The following SYN3 variants were observed in gnomAD, a reference collection of about 807,000 sequenced individuals.
SYN3 encodes synapsin-3.
A neutral mutation model predicts 65.8 loss-of-function variants in SYN3; 35 were observed. The observed-to-expected ratio is 0.53, with a 90% CI of 0.41 to 0.70. SYN3 has a LOEUF of 0.70. Ranked by LOEUF, SYN3 falls within the 30% of genes least tolerant of loss-of-function variation. The probability of loss-of-function intolerance (pLI) is 0.00; values close to 1 mark genes in which losing one functional copy is unlikely to be tolerated. For missense variants in SYN3, 680 were observed against 749.0 expected, an observed-to-expected ratio of 0.91 and a Z score of 1.08; for synonymous variants, 270 against 292.9, an observed-to-expected ratio of 0.92 and a Z score of 0.80.
chr22:32,899,162 A>T (rs2049688499), intron 4 of SYN3, among the ~76,000 whole-genome samples: 1 of 152,142 alleles, frequency 6.6e-6, no homozygotes, highest in Non-Finnish European at 1.5e-5. Context: ...GATTAGGAAG[A>T]TTAACCAAGG....
At chr22:32,913,201 C>T (rs1227605596) in intron 4 of SYN3, among the ~76,000 whole-genome samples, 1 of 151,306 alleles carries the variant, frequency 6.6e-6, no homozygotes, top group African/African-American at 2.4e-5. Flanking sequence ...CGCTCTGTCG[C>T]CCAGGCTGGA....
chr22:32,773,485 G>A (rs980672192), intron 6 of SYN3, among the ~76,000 whole-genome samples: 1 of 151,230 alleles, frequency 6.6e-6, no homozygotes, highest in African/African-American at 2.4e-5. Flanking sequence ...CTTGCTGGCT[G>A]GGGACAAAGA....
intron 3 of SYN3, among the ~76,000 whole-genome samples, chr22:32,948,464 C>T (rs148498637): frequency 0.015 from 2,314 of 152,084 alleles, 49 homozygotes; most frequent in African/African-American, 0.053. Flanking sequence ...GGGCCAGGCG[C>T]GGTGGCTCAT....
chr22:32,855,742 T>G (rs577879401), intron 6 of SYN3, among the ~76,000 whole-genome samples: 1 of 152,320 alleles, frequency 6.6e-6, no homozygotes, highest in African/African-American at 2.4e-5. Context: ...CTCTACGAAC[T>G]GTTGTGACAA....
intron 6 of SYN3, among the ~76,000 whole-genome samples, chr22:32,674,953 CAGAAACT>C (rs1332810487): frequency 6.6e-6 from 1 of 152,188 alleles, no homozygotes; most frequent in Non-Finnish European, 1.5e-5. Flanking sequence ...TGGACTCATG[CAGAAACT>C]GAGACTCAGA....
Position 33,006,738 on chromosome 22 carries a change from G to A in SYN3, c.-76C>T. On this transcript the variant is annotated 5_prime_UTR_variant, in exon 2 of 14. Coordinates refer to ENST00000358763, the MANE Select transcript of SYN3 (RefSeq NM_003490.4). ...AGGCCCAGAAGACAGGCTGCTGCCA[G>A]GTACAGGGAGTGGTAGGACTTTAGC... 1 of 1,442,166 alleles carries A rather than the reference G, an allele frequency of 6.9e-7. No individual in the cohort carries two copies. The highest frequency in any genetic ancestry group is 9.4e-7 in the Non-Finnish European group (1 of 1,068,896). 89.3% of individuals were successfully genotyped at this position (1,442,166 alleles called of 1,614,324 possible). A position where few individuals can be genotyped will look rare whatever the true frequency, so the allele number is the denominator to read the frequency against.
At chr22:32,655,981 T>A (rs1041684046) in intron 6 of SYN3, among the ~76,000 whole-genome samples, 5 of 151,978 alleles carry the variant, frequency 3.3e-5, no homozygotes, top group African/African-American at 1.2e-4. Flanking sequence ...AGAACTAATC[T>A]CCCTAAGCCC....
intron 1 of SYN3, among the ~76,000 whole-genome samples, chr22:33,047,129 C>T (rs760638655): frequency 6.6e-6 from 1 of 152,144 alleles, no homozygotes; most frequent in Non-Finnish European, 1.5e-5. Flanking sequence ...GTATTTCCCT[C>T]ATACTGTTTC....
chr22:32,887,514 G>A (rs899306528), intron 4 of SYN3, among the ~76,000 whole-genome samples: 1 of 152,200 alleles, frequency 6.6e-6, no homozygotes, highest in Non-Finnish European at 1.5e-5. Context: ...TCCATTGCCA[G>A]TTGAGCTTCC....
intron 6 of SYN3, among the ~76,000 whole-genome samples, chr22:32,696,735 A>G (rs1231185859): frequency 1.3e-5 from 2 of 152,206 alleles, no homozygotes; most frequent in African/African-American, 2.4e-5. Flanking sequence ...CACCTTCCTT[A>G]TTCTCAACTT....
rs773085051 is a variant in SYN3 at position 32,510,528 on chromosome 22, CT to C, written c.*3163del. On this transcript the variant is annotated 3_prime_UTR_variant, in exon 14 of 14. Transcript: ENST00000358763. ...TCTTAATCTCCTGAAACTTGAGGAC[CT>C]CATGGTTACACCCTGCCCTACAAGT... Among the ~76,000 whole-genome samples the C allele has an allele frequency of 1.8e-4, 27 of 152,144 alleles. No homozygotes were observed. The highest frequency in any genetic ancestry group is 3.5e-4 in the Non-Finnish European group (24 of 68,032).
intron 6 of SYN3, among the ~76,000 whole-genome samples, chr22:32,745,349 G>A (rs147961779): frequency 2.4e-4 from 36 of 152,336 alleles, no homozygotes; most frequent in Non-Finnish European, 4.1e-4. Flanking sequence ...GCCTCAGGCC[G>A]CACATCTGGA....
At chr22:32,515,229 C>T (rs2057752208) in intron 13 of SYN3, among the ~76,000 whole-genome samples, 1 of 152,172 alleles carries the variant, frequency 6.6e-6, no homozygotes, top group South Asian at 2.1e-4. Context: ...GTGACCAAAC[C>T]TGGTTTAAGG....
intron 6 of SYN3, among the ~76,000 whole-genome samples, chr22:32,715,031 T>C (rs931488070): frequency 6.6e-5 from 10 of 152,342 alleles, no homozygotes; most frequent in South Asian, 2.1e-4. Context: ...TCCCACAAGA[T>C]AATAAAGGAA....
intron 4 of SYN3, among the ~76,000 whole-genome samples, chr22:32,899,661 TAATAA>T (rs2049704745): frequency 6.6e-6 from 1 of 152,206 alleles, no homozygotes; most frequent in Non-Finnish European, 1.5e-5. Flanking sequence ...ACACCACATA[TAATAA>T]GGCCTGGAGT....
intron 7 of SYN3, among the ~76,000 whole-genome samples, chr22:32,567,873 G>A (rs958845391): frequency 6.6e-6 from 1 of 152,142 alleles, no homozygotes; most frequent in Non-Finnish European, 1.5e-5. Flanking sequence ...ACTCCTTGCG[G>A]GTATAGGTTC....
At chr22:32,802,205 T>A in intron 6 of SYN3, 1 of 1,507,632 alleles carries the variant, frequency 6.6e-7, no homozygotes, top group South Asian at 1.2e-5. Flanking sequence ...CGAGCCCCAC[T>A]CCTTTCCTCT....
intron 6 of SYN3, among the ~76,000 whole-genome samples, chr22:32,739,535 T>C (rs1602026709): frequency 6.6e-6 from 1 of 152,250 alleles, no homozygotes; most frequent in East Asian, 1.9e-4. Flanking sequence ...CTGAAGTTAC[T>C]TTAATCTGGT....
intron 6 of SYN3, among the ~76,000 whole-genome samples, chr22:32,843,617 C>T (rs1415612124): frequency 6.6e-6 from 1 of 152,162 alleles, no homozygotes; most frequent in Non-Finnish European, 1.5e-5. Flanking sequence ...CTCTTTCCTC[C>T]TTTTTGGTGT....
Sources: gnomAD v4.1 joint callset for allele counts (sites outside exome capture counted in the v4.1 genomes callset) on GRCh38, gnomAD v4.1.1 for gene constraint, MANE v1.5 for transcripts, NCBI Gene and HGNC (gene_info 2026-07-23, HGNC 2026-07-21) for gene names.